The following WWOX variants were observed in gnomAD, a reference collection of about 807,000 sequenced individuals.
The protein encoded by WWOX is WW domain-containing oxidoreductase.
WWOX carries 69 observed loss-of-function variants against 46.2 expected under a neutral mutation model. The observed-to-expected ratio is 1.49, with a 90% confidence interval of 1.23 to 1.82. The LOEUF (loss-of-function observed/expected upper bound fraction) is 1.82. Among genes scored for constraint, WWOX ranks in the 40% most tolerant of loss-of-function variants. WWOX has a pLI of 0.00. For synonymous variants in WWOX, 359 were observed against 202.6 expected (o/e 1.77, Z -6.56); for missense variants, 919 against 542.6 (o/e 1.69, Z -6.89).
intron 8 of WWOX, among the ~76,000 whole-genome samples, chr16:78,483,525 T>C (rs191505465): frequency 6.6e-6 from 1 of 152,032 alleles, no homozygotes; most frequent in East Asian, 1.9e-4. Context: ...GTATTTGTGC[T>C]AGCTGATTGC....
At chr16:78,398,175 G>C (rs2082331477) in intron 6 of WWOX, among the ~76,000 whole-genome samples, 2 of 152,128 alleles carry the variant, frequency 1.3e-5, no homozygotes, top group South Asian at 4.1e-4. Context: ...ACCCAGCCCT[G>C]ACACTGTCCT....
chr16:78,252,875 A>G (rs776882834), intron 5 of WWOX, among the ~76,000 whole-genome samples: 1 of 152,242 alleles, frequency 6.6e-6, no homozygotes, highest in Non-Finnish European at 1.5e-5. Flanking sequence ...ACAAATGGCA[A>G]TAAGGAGTAA....
At chr16:78,422,832 T>TATATACACACACAC (rs2082977191) in intron 6 of WWOX, among the ~76,000 whole-genome samples, 1 of 110,162 alleles carries the variant, frequency 9.1e-6, no homozygotes, top group African/African-American at 4.1e-5. Flanking sequence ...CACACATATA[T>TATATACACACACAC]ATATATACAT....
intron 8 of WWOX, among the ~76,000 whole-genome samples, chr16:79,013,937 C>G (rs549524213): frequency 6.6e-6 from 1 of 152,152 alleles, no homozygotes. Flanking sequence ...AACACCTCCT[C>G]CCCAGAGAGG....
intron 5 of WWOX, among the ~76,000 whole-genome samples, chr16:78,386,599 C>T (rs576007721): frequency 1.4e-4 from 22 of 151,960 alleles, no homozygotes; most frequent in Admixed American, 1.0e-3. Context: ...GCCTCTTTTG[C>T]GCGGCTGAAA....
rs5818206 is a variant in WWOX, at chr16:79,165,150, GAAA to G, written c.1057-46444_1057-46442del. 9.8e-3 allele frequency among the ~76,000 whole-genome samples: 1,344 copies of G among 136,538 alleles called. 21 individuals are homozygous for G. Among genetic ancestry groups the G allele is most frequent in the African/African-American group, 0.034 (1,305 of 38,112 alleles). The allele number at this position is 136,538 out of a possible 152,430, so 89.6% of individuals were successfully genotyped here. A position where few individuals can be genotyped will look rare whatever the true frequency, so the allele number is the denominator to read the frequency against. ...AAGGTCTTCACAGATTAAAACGAAG[GAAA>G]AAAAAAAAAAAAACTAGATAAATCT... On this transcript the variant is annotated intron_variant, in intron 8 of 8. Transcript: ENST00000566780.
At chr16:78,938,379 G>A (rs1158615363) in intron 8 of WWOX, among the ~76,000 whole-genome samples, 1 of 152,142 alleles carries the variant, frequency 6.6e-6, no homozygotes, top group African/African-American at 2.4e-5. Flanking sequence ...TTCCTGGGAT[G>A]GTGATATTTA....
intron 7 of WWOX, among the ~76,000 whole-genome samples, chr16:78,430,278 C>G (rs371816254): frequency 6.6e-6 from 1 of 152,174 alleles, no homozygotes; most frequent in African/African-American, 2.4e-5. Context: ...CCACCTGGCT[C>G]TGCCCTTGAC....
chr16:79,099,292 G>A (rs2049141698), intron 8 of WWOX, among the ~76,000 whole-genome samples: 1 of 152,178 alleles, frequency 6.6e-6, no homozygotes, highest in Non-Finnish European at 1.5e-5. Context: ...GGTGGGGACA[G>A]GCAAACCAGA....
chr16:78,628,293 C>A (rs925688684), intron 8 of WWOX, among the ~76,000 whole-genome samples: 3 of 152,100 alleles, frequency 2.0e-5, no homozygotes, highest in African/African-American at 7.2e-5. Context: ...CTGAAGTTTC[C>A]CTTTCTTTTC....
At chr16:78,522,268 T>A (rs150210469) in intron 8 of WWOX, among the ~76,000 whole-genome samples, 79 of 147,434 alleles carry the variant, frequency 5.4e-4, no homozygotes, top group African/African-American at 1.7e-3. Context: ...GGGTTAGGAT[T>A]AAAAAAAAAA....
At chr16:78,328,788 G>A (rs895426353) in intron 5 of WWOX, among the ~76,000 whole-genome samples, 2 of 152,030 alleles carry the variant, frequency 1.3e-5, no homozygotes, top group Non-Finnish European at 1.5e-5. Flanking sequence ...GTTTTTCCTG[G>A]CCTTGGTCTC....
At chr16:78,662,047 A>G (rs2047225948) in intron 8 of WWOX, among the ~76,000 whole-genome samples, 1 of 152,160 alleles carries the variant, frequency 6.6e-6, no homozygotes, top group African/African-American at 2.4e-5. Flanking sequence ...ATGTCTCAAA[A>G]TAATGATAAT....
chr16:78,799,964 C>T (rs1022834692), intron 8 of WWOX, among the ~76,000 whole-genome samples: 7 of 152,192 alleles, frequency 4.6e-5, no homozygotes, highest in African/African-American at 1.7e-4. Flanking sequence ...TCCCCCGCGT[C>T]TGGCATTGCA....
At chr16:78,801,898 T>C (rs553329553) in intron 8 of WWOX, among the ~76,000 whole-genome samples, 1 of 152,238 alleles carries the variant, frequency 6.6e-6, no homozygotes, top group Non-Finnish European at 1.5e-5. Context: ...TTAACTGGTT[T>C]TGTGATTTGG....
chr16:78,875,810 T>C (rs766785295), intron 8 of WWOX, among the ~76,000 whole-genome samples: 7 of 152,246 alleles, frequency 4.6e-5, no homozygotes, highest in Non-Finnish European at 7.3e-5. Flanking sequence ...GACACGGTTA[T>C]TGACTTACAG....
chr16:79,069,579 T>C (rs1330891148), intron 8 of WWOX, among the ~76,000 whole-genome samples: 1 of 151,064 alleles, frequency 6.6e-6, no homozygotes, highest in Non-Finnish European at 1.5e-5. Context: ...TTTTTAAAGC[T>C]AATAAACAGT....
intron 8 of WWOX, among the ~76,000 whole-genome samples, chr16:78,535,972 C>T (rs7190925): frequency 6.6e-6 from 1 of 152,148 alleles, no homozygotes; most frequent in Non-Finnish European, 1.5e-5. Context: ...CTGATACACA[C>T]AAAGCTTTCA....
chr16:78,911,920 G>A (rs766186028), intron 8 of WWOX, among the ~76,000 whole-genome samples: 6 of 152,000 alleles, frequency 3.9e-5, no homozygotes, highest in Non-Finnish European at 7.4e-5. Flanking sequence ...AGCTTAGTGT[G>A]TGCAAGACTC....
Sources: gnomAD v4.1 joint callset for allele counts (sites outside exome capture counted in the v4.1 genomes callset) on GRCh38, gnomAD v4.1.1 for gene constraint, MANE v1.5 for transcripts, NCBI Gene and HGNC (gene_info 2026-07-23, HGNC 2026-07-21) for gene names.